The following AGK variants were observed in gnomAD, a reference collection of about 807,000 sequenced individuals.
The protein encoded by AGK is acylglycerol kinase, mitochondrial.
AGK carries 52 observed loss-of-function variants against 66.4 expected under a neutral mutation model. That is an observed-to-expected ratio of 0.78 (90% confidence interval 0.63 to 0.99). The LOEUF is 0.99. Among genes scored for constraint, AGK ranks in the 50% least tolerant of loss-of-function variants. The pLI, the probability that AGK is intolerant of heterozygous loss-of-function variation, is 0.00. For missense variants in AGK, 451 were observed against 506.6 expected (o/e 0.89, Z 1.05); for synonymous variants, 182 against 181.1 (o/e 1.00, Z -0.04).
chr7:141,624,244 A>G (rs937821880), intron 9 of AGK, among the ~76,000 whole-genome samples: 14 of 152,214 alleles, frequency 9.2e-5, no homozygotes, highest in African/African-American at 2.9e-4. Context: ...TATTTAATAA[A>G]TAAATTGTGG....
chr7:141,571,431 G>A (rs1397012348), intron 2 of AGK, among the ~76,000 whole-genome samples: 1 of 152,224 alleles, frequency 6.6e-6, no homozygotes, highest in Non-Finnish European at 1.5e-5. Flanking sequence ...CCTAGATGAT[G>A]TGTTTGCTCA....
In AGK at chr7:141,555,671, T is replaced by C; in HGVS notation, c.101+104T>C. 1 of 774,286 alleles carries C rather than the reference T, an allele frequency of 1.3e-6. No homozygotes were observed. The highest frequency in any genetic ancestry group is 2.1e-6 in the Non-Finnish European group (1 of 484,310). 48.0% of individuals were successfully genotyped at this position (774,286 alleles called of 1,614,324 possible). ...CAGCTGTGCTTATCCCTATAAAACA[T>C]GTGGTGTAAAAGAAAAATAAATGCT... On this transcript the variant is annotated intron_variant, in intron 2 of 15. Coordinates refer to ENST00000649286, the MANE Select transcript of AGK (RefSeq NM_018238.4). This position sits in a 1 kb window ranked among gnomAD's most constrained non-coding sequence, Gnocchi z 4.2.
intron 11 of AGK, among the ~76,000 whole-genome samples, chr7:141,640,379 G>C (rs1247521951): frequency 1.3e-5 from 2 of 152,142 alleles, no homozygotes; most frequent in Non-Finnish European, 1.5e-5. Context: ...CCATGCATTG[G>C]TCCTTCTAGA....
intron 2 of AGK, among the ~76,000 whole-genome samples, chr7:141,568,435 G>C (rs1206996209): frequency 6.6e-6 from 1 of 152,108 alleles, no homozygotes; most frequent in African/African-American, 2.4e-5. Context: ...AACTCCCTTG[G>C]CTGAGCAGTT....
intron 2 of AGK, among the ~76,000 whole-genome samples, chr7:141,591,282 G>A (rs957306489): frequency 5.3e-5 from 8 of 151,624 alleles, no homozygotes; most frequent in Non-Finnish European, 1.0e-4. Context: ...TAGTAGAGAC[G>A]GGGTCTCACC....
At chr7:141,557,328 A>G (rs557470489) in intron 2 of AGK, among the ~76,000 whole-genome samples, 1 of 152,362 alleles carries the variant, frequency 6.6e-6, no homozygotes, top group South Asian at 2.1e-4. Flanking sequence ...AAGCAGACAT[A>G]AGAAGCTTAA....
At chr7:141,572,801 T>C (rs1562961460) in intron 2 of AGK, among the ~76,000 whole-genome samples, 1 of 151,302 alleles carries the variant, frequency 6.6e-6, no homozygotes, top group Non-Finnish European at 1.5e-5. Context: ...CCCGACAGGC[T>C]ATGGGGGGGG....
At chr7:141,641,603 T>G (rs1032666769) in intron 12 of AGK, among the ~76,000 whole-genome samples, 2 of 152,200 alleles carry the variant, frequency 1.3e-5, no homozygotes, top group Middle Eastern at 3.2e-3. Context: ...ACAGTCTTTC[T>G]GTTAACGTGA....
intron 9 of AGK, among the ~76,000 whole-genome samples, chr7:141,628,278 T>C (rs1159724280): frequency 2.6e-5 from 4 of 152,234 alleles, no homozygotes; most frequent in African/African-American, 4.8e-5. Context: ...TACCACAGGC[T>C]CTGTGTATTG....
At chr7:141,623,881 G>C (rs746806018) in intron 9 of AGK, among the ~76,000 whole-genome samples, 1 of 152,104 alleles carries the variant, frequency 6.6e-6, no homozygotes, top group Non-Finnish European at 1.5e-5. Context: ...AACTACTGCA[G>C]CTGGTGACTT....
chr7:141,622,567 C>T (rs892240427), intron 9 of AGK, among the ~76,000 whole-genome samples: 1 of 152,152 alleles, frequency 6.6e-6, no homozygotes, highest in African/African-American at 2.4e-5. Flanking sequence ...GTAATTGGGG[C>T]ACCACGAATT....
chr7:141,648,837 G>T (rs2117027563), intron 13 of AGK, among the ~76,000 whole-genome samples: 1 of 152,222 alleles, frequency 6.6e-6, no homozygotes, highest in Admixed American at 6.5e-5. Context: ...CAGGCACTTG[G>T]GCTCTCCACA....
At chr7:141,616,762 C>CT (rs577318723) in intron 8 of AGK, among the ~76,000 whole-genome samples, 1,580 of 140,156 alleles carry the variant, frequency 0.011, 34 homozygotes, top group East Asian at 0.046. Context: ...CTTTTTCTTT[C>CT]TTTTTTTTTT....
chr7:141,576,948 G>A (rs1031371293), intron 2 of AGK, among the ~76,000 whole-genome samples: 3 of 152,144 alleles, frequency 2.0e-5, no homozygotes, highest in Non-Finnish European at 4.4e-5. Flanking sequence ...GCTGAGGCAG[G>A]AGAATGGCCT....
chr7:141,615,656 G>C, intron 8 of AGK, 91 bp downstream of exon 8: 1 of 1,028,904 alleles, frequency 9.7e-7, no homozygotes, highest in Non-Finnish European at 1.5e-6. Flanking sequence ...CTTGAGTTTT[G>C]ATAGCCTGAA....
At chr7:141,625,420 G>A (rs1276363922) in intron 9 of AGK, among the ~76,000 whole-genome samples, 1 of 152,086 alleles carries the variant, frequency 6.6e-6, no homozygotes, top group Non-Finnish European at 1.5e-5. Context: ...CACAATCACA[G>A]CTCATTGCAA....
intron 6 of AGK, among the ~76,000 whole-genome samples, chr7:141,611,617 T>C (rs1299212163): frequency 6.6e-6 from 1 of 152,220 alleles, no homozygotes; most frequent in Non-Finnish European, 1.5e-5. Flanking sequence ...CTGTTTGTAA[T>C]GGAATCATAG....
intron 4 of AGK, chr7:141,596,842 C>G (rs1796237555): frequency 1.8e-6 from 1 of 550,358 alleles, no homozygotes; most frequent in Non-Finnish European, 3.2e-6. Context: ...GCAAACTTGT[C>G]TAATTGAAGT....
rs1292447447 is a variant in AGK, at chr7:141,649,285, T to A, written c.998T>A (p.Ile333Asn). 1 of 1,613,746 alleles carries A rather than the reference T, an allele frequency of 6.2e-7. No individual in the cohort carries two copies. The highest frequency in any genetic ancestry group is 1.7e-5 in the Admixed American group (1 of 60,022). ...DPTSKEDFLN[I>N]CIEPDTISKG... The stretch of plus-strand genomic sequence containing the variant: ...TAGAGCAAAGAAGATTTTCTGAATA[T>A]CTGCATTGAACCTGACACCATCAGC... The change falls in exon 14 of 16, where the codon ATC becomes AAC. Residue 333 changes from isoleucine (I) to asparagine (N), a missense_variant. By Grantham distance (149) the Ile-to-Asn change is moderately radical. Coordinates refer to ENST00000649286, the MANE Select transcript of AGK (RefSeq NM_018238.4).
Sources: gnomAD v4.1 joint callset for allele counts (sites outside exome capture counted in the v4.1 genomes callset) on GRCh38, gnomAD v4.1.1 for gene constraint, Gnocchi (gnomAD v3.1) non-coding constraint, MANE v1.5 for transcripts, NCBI Gene and HGNC (gene_info 2026-07-23, HGNC 2026-07-21) for gene names.